The following MYSM1 variants were observed in gnomAD, a reference collection of about 807,000 sequenced individuals.
The protein encoded by MYSM1 is Myb like, SWIRM and MPN domains 1.
A neutral mutation model predicts 116.0 loss-of-function variants in MYSM1; 51 were observed. The observed-to-expected ratio is 0.44, with a 90% CI of 0.35 to 0.56. MYSM1 has a LOEUF of 0.56. Ranked by LOEUF, MYSM1 falls within the 20% of genes least tolerant of loss-of-function variation. The pLI is 0.00. For missense variants in MYSM1, 900 were observed against 974.9 expected, an observed-to-expected ratio of 0.92 and a Z score of 1.02; for synonymous variants, 313 against 315.2, an observed-to-expected ratio of 0.99 and a Z score of 0.07.
chr1:58,680,107 A>T (rs1156507245), intron 8 of MYSM1, among the ~76,000 whole-genome samples: 1 of 151,898 alleles, frequency 6.6e-6, no homozygotes, highest in Non-Finnish European at 1.5e-5. Context: ...TATGATTTCA[A>T]GGTCCTTAAA....
intron 2 of MYSM1, among the ~76,000 whole-genome samples, chr1:58,694,498 G>A (rs1360521974): frequency 2.6e-5 from 4 of 152,112 alleles, no homozygotes; most frequent in African/African-American, 7.2e-5. Flanking sequence ...GCACACGCCT[G>A]TAGTCCCAGC....
chr1:58,664,125 C>T (rs1037480601), intron 17 of MYSM1, among the ~76,000 whole-genome samples: 1 of 152,120 alleles, frequency 6.6e-6, no homozygotes, highest in Admixed American at 6.6e-5. Flanking sequence ...TTTAAAGTCA[C>T]ACGTACTGCT....
At chr1:58,678,995 T>C (rs1455686747) in intron 8 of MYSM1, among the ~76,000 whole-genome samples, 2 of 152,172 alleles carry the variant, frequency 1.3e-5, no homozygotes, top group Non-Finnish European at 2.9e-5. Context: ...TCAAAAGGAT[T>C]GGAGATGATT....
chr1:58,681,713 T>C, intron 8 of MYSM1, 72 bp downstream of exon 8: 4 of 1,384,410 alleles, frequency 2.9e-6, no homozygotes, highest in Non-Finnish European at 3.9e-6. Context: ...TTCTAAATTC[T>C]GTATAGGCCT....
Position 58,689,105 on chromosome 1 carries a change from G to C in MYSM1, c.332C>G (p.Pro111Arg). 6.2e-7 allele frequency: 1 copy of C among 1,610,468 alleles called. No individual in the cohort carries two copies. ...TACTGAGTAACTGGCTGGTTTTGTA[G>C]GAGAGTGTACCCTGAGGGGAAAAAA... is the stretch of plus-strand genomic sequence containing the variant. ...QKTAKIMVHS[P>R]TKPASYSVKW... Residue 111 changes from proline to arginine, a missense_variant, in exon 6 of 20, where the codon CCT (proline) becomes CGT (arginine). Physicochemically the swap from Pro to Arg is moderately radical, Grantham distance 103 (BLOSUM62 -2). Coordinates refer to ENST00000472487, the MANE Select transcript of MYSM1 (RefSeq NM_001085487.3).
chr1:58,682,788 C>T lies in MYSM1; in HGVS notation c.499-243G>A, dbSNP rs540136339. On this transcript the variant is annotated intron_variant, in intron 7 of 19. Coordinates refer to ENST00000472487, the MANE Select transcript of MYSM1 (RefSeq NM_001085487.3). Reference sequence around the variant, plus strand: ...CCAGGCCACTGCAAGCTCCAGCTCCCGGGTTCATGCCATTCTCCTGCCTCA... The same window carrying T: ...CCAGGCCACTGCAAGCTCCAGCTCCTGGGTTCATGCCATTCTCCTGCCTCA... Among the ~76,000 whole-genome samples the T allele has an allele frequency of 5.2e-3, 794 of 151,728 alleles. 5 individuals carry two copies. Among genetic ancestry groups the T allele is most frequent in the African/African-American group, 0.018 (726 of 41,378 alleles).
chr1:58,684,889 A>G (rs1199315861), intron 7 of MYSM1, among the ~76,000 whole-genome samples: 1 of 152,168 alleles, frequency 6.6e-6, no homozygotes, highest in Non-Finnish European at 1.5e-5. Context: ...TTTGAAATAC[A>G]ATTTGCTTTA....
chr1:58,685,032 G>A (rs1180120188), intron 7 of MYSM1, 121 bp downstream of exon 7: 2 of 693,626 alleles, frequency 2.9e-6, no homozygotes, highest in Non-Finnish European at 4.6e-6. Flanking sequence ...GTACTATGTG[G>A]GTATAAAATA....
chr1:58,679,503 G>C (rs1299796591), intron 8 of MYSM1, among the ~76,000 whole-genome samples: 1 of 152,124 alleles, frequency 6.6e-6, no homozygotes, highest in Non-Finnish European at 1.5e-5. Flanking sequence ...CTGTTGCCCA[G>C]GCTAGTGTAC....
Position 58,665,427 on chromosome 1 carries a change from A to G in MYSM1, c.2164+72T>C. 2.5e-6 allele frequency: 3 copies of G among 1,204,496 alleles called. No individual in the cohort carries two copies. The South Asian group carries it at 4.8e-5, about 19-fold the overall frequency. 74.6% of individuals were successfully genotyped at this position (1,204,496 alleles called of 1,614,324 possible). On this transcript the variant is annotated intron_variant, in intron 17 of 19. Transcript: ENST00000472487. The stretch of plus-strand genomic sequence containing the variant: ...CATTAAATAATTTTAAACAGTTGCA[A>G]ATCTTTTGATTTGTATGAGTCAAAG...
intron 1 of MYSM1, among the ~76,000 whole-genome samples, chr1:58,698,102 A>ATATATATATATATATATATATATATTTT: frequency 1.3e-4 from 1 of 7,770 alleles, no homozygotes; most frequent in African/African-American, 2.6e-4. Flanking sequence ...ATATATATAT[A>ATATATATATATATATATATATATATTTT]TTTTTTTTTT....
At chr1:58,661,295 C>T in intron 18 of MYSM1, 68 bp from the exon 19 acceptor site, 7 of 1,396,640 alleles carry the variant, frequency 5.0e-6, no homozygotes, top group Non-Finnish European at 7.1e-6. Context: ...TCATAATAAA[C>T]TATCACGGAT....
chr1:58,676,876 T>C (rs1345215339), intron 9 of MYSM1, 50 bp downstream of exon 9: 1 of 1,588,454 alleles, frequency 6.3e-7, no homozygotes, highest in East Asian at 2.3e-5. Context: ...ATAAGTGCTG[T>C]AAGGATAAAA....
intron 5 of MYSM1, chr1:58,689,461 C>A: frequency 5.7e-6 from 1 of 174,434 alleles, no homozygotes; most frequent in Non-Finnish European, 1.2e-5. Flanking sequence ...TTCCCAAATC[C>A]TGAAAGGCAT....
chr1:58,671,322 C>T (rs1028529640), intron 12 of MYSM1, among the ~76,000 whole-genome samples: 2 of 152,004 alleles, frequency 1.3e-5, no homozygotes, highest in Admixed American at 6.6e-5. Context: ...CTAAGGATTA[C>T]CCGAGGACAT....
intron 1 of MYSM1, among the ~76,000 whole-genome samples, chr1:58,696,300 TC>T (rs1644973428): frequency 6.6e-6 from 1 of 152,192 alleles, no homozygotes; most frequent in Non-Finnish European, 1.5e-5. Context: ...ATCTTTTTAT[TC>T]CTCAATAAGA....
intron 2 of MYSM1, among the ~76,000 whole-genome samples, chr1:58,693,144 G>C (rs1277532231): frequency 1.3e-5 from 2 of 152,144 alleles, no homozygotes; most frequent in Non-Finnish European, 2.9e-5. Context: ...TTAAGTGGAA[G>C]AGCAGAGACT....
In MYSM1 at chr1:58,692,875, C is replaced by T; in HGVS notation, c.204G>A (p.Met68Ile). Reference sequence around the variant, plus strand: ...TTAAAGGATACTCTTCTTCCAACAACATTTTCTCAATAACAGCTCTGTTCT... The same window carrying T: ...TTAAAGGATACTCTTCTTCCAACAATATTTTCTCAATAACAGCTCTGTTCT... Reference protein sequence around the residue: ...SEENRAVIEKMLLEEEYYLSK... With the variant: ...SEENRAVIEKILLEEEYYLSK... Residue 68 changes from methionine to isoleucine, a missense_variant, in exon 3 of 20, where the codon ATG (methionine) becomes ATA (isoleucine). Coordinates refer to ENST00000472487, the MANE Select transcript of MYSM1 (RefSeq NM_001085487.3). 4 of 1,609,668 alleles carry T rather than the reference C, an allele frequency of 2.5e-6. No individual in the cohort carries two copies. Among genetic ancestry groups the T allele is most frequent in the South Asian group, 1.1e-5 (1 of 90,088 alleles).
rs1644508955 is a variant in MYSM1, at chr1:58,668,616, A to C, written c.1767+16T>G. ...GAAATCAGAATAACTAAGTAAACAC[A>C]ATAGATTATCCTTACCAAATCCATT... On this transcript the variant is annotated intron_variant, in intron 14 of 19. Coordinates refer to ENST00000472487, the MANE Select transcript of MYSM1 (RefSeq NM_001085487.3). 6.3e-7 allele frequency: 1 copy of C among 1,594,712 alleles called. No individual in the cohort carries two copies. Among genetic ancestry groups the C allele is most frequent in the Non-Finnish European group, 8.5e-7 (1 of 1,171,086 alleles).
Sources: allele counts gnomAD v4.1 joint callset (sites outside exome capture counted in the v4.1 genomes callset), GRCh38; gene constraint gnomAD v4.1.1; transcripts MANE v1.5; gene names NCBI Gene and HGNC (gene_info 2026-07-23, HGNC 2026-07-21).